The following C13orf42 variants were observed in gnomAD, a reference collection of about 807,000 sequenced individuals.
C13orf42 encodes the protein uncharacterized protein C13orf42.
At chr13:51,171,483 C>T (rs1305831125) in intron 1 of C13orf42, among the ~76,000 whole-genome samples, 6 of 151,402 alleles carry the variant, frequency 4.0e-5, no homozygotes, top group Admixed American at 6.6e-5. Context: ...CCCCAAGCGT[C>T]GCTGAGTCTT....
chr13:51,141,782 A>C (rs561897215), intron 1 of C13orf42, among the ~76,000 whole-genome samples: 1 of 143,788 alleles, frequency 7.0e-6, no homozygotes, highest in Non-Finnish European at 1.5e-5. Flanking sequence ...TGGGTGACAG[A>C]GTTAGACTCC....
chr13:51,168,156 T>A (rs989399794), intron 1 of C13orf42, among the ~76,000 whole-genome samples: 4 of 152,204 alleles, frequency 2.6e-5, no homozygotes, highest in Admixed American at 6.5e-5. Flanking sequence ...ACAGACACCT[T>A]ATAAGCATTA....
chr13:51,157,478 C>T (rs1395727497), intron 1 of C13orf42, among the ~76,000 whole-genome samples: 1 of 152,052 alleles, frequency 6.6e-6, no homozygotes, highest in South Asian at 2.1e-4. Context: ...AATAAAATTC[C>T]CACACCAAAG....
At chr13:51,096,351 G>A (rs73485804) in intron 1 of C13orf42, among the ~76,000 whole-genome samples, 2,412 of 152,248 alleles carry the variant, frequency 0.016, 50 homozygotes, top group African/African-American at 0.055. Flanking sequence ...TCAGGCAGGC[G>A]CTGTGTCCCT....
chr13:51,152,640 C>T (rs1953788390), intron 1 of C13orf42, among the ~76,000 whole-genome samples: 2 of 152,200 alleles, frequency 1.3e-5, no homozygotes, highest in South Asian at 4.1e-4. Context: ...ACAACTTCAG[C>T]TCTAGCATTC....
At chr13:51,105,583 G>C (rs1375648592) in intron 1 of C13orf42, among the ~76,000 whole-genome samples, 1 of 152,206 alleles carries the variant, frequency 6.6e-6, no homozygotes, top group Admixed American at 6.5e-5. Context: ...GTTCTTCTCA[G>C]ATCATCAGAA....
chr13:51,165,218 G>C (rs1029725322), intron 1 of C13orf42, among the ~76,000 whole-genome samples: 7 of 152,126 alleles, frequency 4.6e-5, no homozygotes, highest in Non-Finnish European at 1.0e-4. Context: ...TGCTGACTCT[G>C]TCCCTGTATC....
chr13:51,142,396 A>G (rs1007457293), intron 1 of C13orf42, among the ~76,000 whole-genome samples: 3 of 152,228 alleles, frequency 2.0e-5, no homozygotes, highest in African/African-American at 2.4e-5. Flanking sequence ...CAGTTTCAGA[A>G]CTTTAAATCA....
chr13:51,102,538 G>A lies in C13orf42; in HGVS notation c.414+8258C>T, dbSNP rs187792132. Among the ~76,000 whole-genome samples, 281 of 152,212 alleles carry A rather than the reference G, an allele frequency of 1.8e-3. 1 individual carries two copies. The highest frequency in any genetic ancestry group is 7.1e-3 in the Admixed American group (108 of 15,286). ...GACAGGTATTCTTCGGAATTCAATG[G>A]GTTCTTTTTAAACCATTCTTGTAAC... On this transcript the variant is annotated intron_variant, in intron 1 of 3. Transcript: ENST00000563710.
At chr13:51,169,827 T>A (rs1953932553) in intron 1 of C13orf42, among the ~76,000 whole-genome samples, 1 of 152,214 alleles carries the variant, frequency 6.6e-6, no homozygotes, top group Non-Finnish European at 1.5e-5. Context: ...TGTGTGGAAA[T>A]CCTTGAATGT....
At chr13:51,153,621 G>GTTTTTTGTTTTT (rs1953799413) in intron 1 of C13orf42, among the ~76,000 whole-genome samples, 3 of 82,032 alleles carry the variant, frequency 3.7e-5, no homozygotes. Flanking sequence ...CTTGCTTTCT[G>GTTTTTTGTTTTT]TTTTTTTTCT....
chr13:51,129,990 T>C (rs1044661045), intron 1 of C13orf42, among the ~76,000 whole-genome samples: 2 of 152,256 alleles, frequency 1.3e-5, no homozygotes, highest in African/African-American at 4.8e-5. Flanking sequence ...GTTCAATTCC[T>C]GGCTTATGGA....
intron 1 of C13orf42, among the ~76,000 whole-genome samples, chr13:51,152,233 G>A (rs541027492): frequency 3.3e-5 from 5 of 152,300 alleles, no homozygotes; most frequent in South Asian, 2.1e-4. Flanking sequence ...GCTCTGTGTC[G>A]TTTCTCAGCA....
At chr13:51,161,841 A>G in intron 1 of C13orf42, 1 of 439,932 alleles carries the variant, frequency 2.3e-6, no homozygotes, top group Non-Finnish European at 4.4e-6. Flanking sequence ...ACCTCCATCC[A>G]CAGCACTCTC....
intron 1 of C13orf42, among the ~76,000 whole-genome samples, chr13:51,105,724 AT>A (rs1303431356): frequency 3.3e-5 from 5 of 151,864 alleles, no homozygotes; most frequent in Admixed American, 2.0e-4. Flanking sequence ...ATTTTCTATG[AT>A]TTTTTTTCTC....
upstream of C13orf42, among the ~76,000 whole-genome samples, chr13:51,114,649 G>T (rs80049272): frequency 0.17 from 12,851 of 74,216 alleles, 683 homozygotes; most frequent in South Asian, 0.25. Flanking sequence ...GATAGATAGA[G>T]ATAGACAGAC....
chr13:51,094,494 G>C (rs1007213553), intron 1 of C13orf42, among the ~76,000 whole-genome samples: 1 of 152,026 alleles, frequency 6.6e-6, no homozygotes, highest in Non-Finnish European at 1.5e-5. Context: ...TACCCTCTTT[G>C]CTTTAGACAA....
chr13:51,155,844 C>T (rs9535587), intron 1 of C13orf42, among the ~76,000 whole-genome samples: 17,870 of 152,182 alleles, frequency 0.12, 1,319 homozygotes, highest in Non-Finnish European at 0.17. Flanking sequence ...CTTGTTCACA[C>T]AAGGACAACT....
chr13:51,084,141 C>A lies in C13orf42; in HGVS notation c.*10G>T. The A allele has an allele frequency of 2.5e-6, 1 of 398,714 alleles. No homozygotes were observed. Among genetic ancestry groups the A allele is most frequent in the South Asian group, 1.3e-4 (1 of 7,858 alleles). The allele number at this position is 398,714 out of a possible 1,614,324, so 24.7% of individuals were successfully genotyped here. Reference sequence around the variant, plus strand: ...CCCAGTCTGAGACACGTCAAGGAATCCAGATGGAGTCAGGGCACCGTCCGC... The same window carrying A: ...CCCAGTCTGAGACACGTCAAGGAATACAGATGGAGTCAGGGCACCGTCCGC... On this transcript the variant is annotated 3_prime_UTR_variant, in exon 4 of 4. Transcript: ENST00000563710.
Sources: gnomAD v4.1 joint callset for allele counts (sites outside exome capture counted in the v4.1 genomes callset) on GRCh38, gnomAD v4.1.1 for gene constraint, MANE v1.5 for transcripts, NCBI Gene and HGNC (gene_info 2026-07-23, HGNC 2026-07-21) for gene names.